The following ZEB2 variants were observed in gnomAD, a reference collection of about 807,000 sequenced individuals.
ZEB2 encodes zinc finger E-box binding homeobox 2.
A neutral mutation model predicts 99.9 loss-of-function variants in ZEB2; 6 were observed. The observed-to-expected ratio is 0.06, with a 90% CI of 0.03 to 0.12. The LOEUF is 0.12. Ranked by LOEUF, ZEB2 falls within the 10% of genes least tolerant of loss-of-function variation. The pLI, the probability that ZEB2 is intolerant of heterozygous loss-of-function variation, is 1.00. For missense variants in ZEB2, 969 were observed against 1,502.8 expected (o/e 0.64, Z 5.87); for synonymous variants, 517 against 542.5 (o/e 0.95, Z 0.65).
At chr2:144,472,351 TACTGTTAGA>T (rs1235907070) in intron 2 of ZEB2, among the ~76,000 whole-genome samples, 1 of 152,130 alleles carries the variant, frequency 6.6e-6, no homozygotes, top group Non-Finnish European at 1.5e-5. Flanking sequence ...AGACATAAAC[TACTGTTAGA>T]ACCAGATTTT....
intron 4 of ZEB2, among the ~76,000 whole-genome samples, chr2:144,416,963 A>C (rs1415047629): frequency 6.6e-6 from 1 of 152,264 alleles, no homozygotes; most frequent in East Asian, 1.9e-4. Flanking sequence ...ATAATCAATA[A>C]TAATGGCTAG....
At chr2:144,500,577 C>T (rs2149925010) in intron 2 of ZEB2, among the ~76,000 whole-genome samples, 1 of 152,212 alleles carries the variant, frequency 6.6e-6, no homozygotes, top group East Asian at 1.9e-4. Flanking sequence ...ATTTTGGAAT[C>T]TGAAAATCAA....
At chr2:144,515,170 C>G (rs1479765785) in intron 2 of ZEB2, among the ~76,000 whole-genome samples, 1 of 151,860 alleles carries the variant, frequency 6.6e-6, no homozygotes, top group African/African-American at 2.4e-5. Context: ...CTTCTGGGAG[C>G]CTTGTTTTAA....
intron 4 of ZEB2, among the ~76,000 whole-genome samples, chr2:144,414,970 GTATA>G (rs1703520041): frequency 1.4e-5 from 2 of 144,606 alleles, no homozygotes; most frequent in Non-Finnish European, 3.0e-5. Flanking sequence ...GTGTGTGTTT[GTATA>G]TGTGTGTGTA....
intron 9 of ZEB2, among the ~76,000 whole-genome samples, chr2:144,394,989 CTTTTTTTTTTT>C (rs869207772): frequency 2.3e-5 from 2 of 85,198 alleles, no homozygotes; most frequent in Non-Finnish European, 4.5e-5. Context: ...CTTCCCTTCG[CTTTTTTTTTTT>C]TTTTTTTTTT....
At chr2:144,465,436 T>C (rs1249785877) in intron 2 of ZEB2, among the ~76,000 whole-genome samples, 1 of 152,196 alleles carries the variant, frequency 6.6e-6, no homozygotes, top group Non-Finnish European at 1.5e-5. Context: ...GGCAGCCTTG[T>C]ATCCAGTCCT....
chr2:144,517,225 G>C (rs2149935052), intron 2 of ZEB2, 53 bp downstream of exon 2: 1 of 1,606,820 alleles, frequency 6.2e-7, no homozygotes, highest in Non-Finnish European at 8.5e-7. Context: ...CCTTCTCCCT[G>C]GGTCTCGAGC....
intron 2 of ZEB2, among the ~76,000 whole-genome samples, chr2:144,472,395 A>C (rs908204224): frequency 2.0e-5 from 3 of 152,128 alleles, no homozygotes; most frequent in Non-Finnish European, 4.4e-5. Context: ...GTGGTCCTCA[A>C]AATTTACATG....
chr2:144,493,390 C>G (rs1060451), intron 2 of ZEB2, among the ~76,000 whole-genome samples: 23,685 of 152,124 alleles, frequency 0.16, 2,205 homozygotes, highest in East Asian at 0.34. Context: ...AATACTGCTC[C>G]CCATTTTTAA....
intron 2 of ZEB2, among the ~76,000 whole-genome samples, chr2:144,491,419 T>A (rs951945999): frequency 2.6e-5 from 4 of 150,984 alleles, no homozygotes; most frequent in African/African-American, 9.8e-5. Context: ...AAAGTGAAGG[T>A]AACAGTTTGT....
chr2:144,437,323 C>G (rs1703851824), intron 2 of ZEB2, among the ~76,000 whole-genome samples: 1 of 152,188 alleles, frequency 6.6e-6, no homozygotes, highest in African/African-American at 2.4e-5. Flanking sequence ...AACTGCTATA[C>G]ACAAATAATT....
At chr2:144,452,388 AG>A (rs1335708279) in intron 2 of ZEB2, among the ~76,000 whole-genome samples, 4 of 152,178 alleles carry the variant, frequency 2.6e-5, no homozygotes, top group African/African-American at 9.7e-5. Context: ...GGAAAAAAAA[AG>A]TCAAGGGGTG....
chr2:144,505,914 G>A (rs2149927873), intron 2 of ZEB2, among the ~76,000 whole-genome samples: 1 of 152,182 alleles, frequency 6.6e-6, no homozygotes, highest in Middle Eastern at 3.4e-3. Flanking sequence ...GTAAACACTA[G>A]TTTAAAATAC....
chr2:144,511,334 CACAAG>C (rs1705034949), intron 2 of ZEB2: 4 of 1,114,244 alleles, frequency 3.6e-6, no homozygotes, highest in South Asian at 1.9e-5. Context: ...TCAGAGGAAA[CACAAG>C]ACAAAACACA....
chr2:144,488,091 C>T (rs903430326), intron 2 of ZEB2, among the ~76,000 whole-genome samples: 15 of 152,248 alleles, frequency 9.9e-5, no homozygotes, highest in African/African-American at 3.6e-4. Context: ...TGGCAGTTTC[C>T]AGGTAGTTCA....
chr2:144,421,884 T>A (rs184842613), intron 4 of ZEB2, among the ~76,000 whole-genome samples: 9 of 152,292 alleles, frequency 5.9e-5, no homozygotes, highest in Admixed American at 5.9e-4. Context: ...ATTCCTATAT[T>A]CCCATATCTA....
intron 2 of ZEB2, among the ~76,000 whole-genome samples, chr2:144,466,585 G>A (rs1024044320): frequency 6.6e-6 from 1 of 152,128 alleles, no homozygotes; most frequent in African/African-American, 2.4e-5. Flanking sequence ...CTTAGCTAAT[G>A]CACTGAATCT....
intron 2 of ZEB2, chr2:144,463,248 T>A (rs947146944): frequency 6.6e-6 from 1 of 152,112 alleles, no homozygotes; most frequent in Non-Finnish European, 1.5e-5. Context: ...AAAAACTATA[T>A]AATATAAACT....
At chr2:144,432,338 G>C (rs573592075) in intron 2 of ZEB2, among the ~76,000 whole-genome samples, 11 of 152,224 alleles carry the variant, frequency 7.2e-5, no homozygotes, top group Non-Finnish European at 1.6e-4. Flanking sequence ...CACTTACAGA[G>C]GCAGTATGCC....
Sources: gnomAD v4.1 joint callset for allele counts (sites outside exome capture counted in the v4.1 genomes callset) on GRCh38, gnomAD v4.1.1 for gene constraint, MANE v1.5 for transcripts, NCBI Gene and HGNC (gene_info 2026-07-23, HGNC 2026-07-21) for gene names.